Variants in SNTG2 observed in about 807,000 individuals in gnomAD.
The protein encoded by SNTG2 is gamma-2-syntrophin.
SNTG2 carries 74 observed loss-of-function variants against 70.9 expected under a neutral mutation model. The observed-to-expected ratio is 1.04, with a 90% CI of 0.86 to 1.27. The LOEUF is 1.27. Ranked by LOEUF, SNTG2 falls within the 50% of genes most tolerant of loss-of-function variation. The probability of loss-of-function intolerance (pLI) is 0.00; values close to 1 mark genes in which losing one functional copy is unlikely to be tolerated. For synonymous variants in SNTG2, 278 were observed against 273.8 expected (o/e 1.02, Z -0.15); for missense variants, 717 against 690.7 (o/e 1.04, Z -0.43).
chr2:1,181,080 G>C (rs914124712), intron 8 of SNTG2, among the ~76,000 whole-genome samples: 10 of 152,134 alleles, frequency 6.6e-5, no homozygotes, highest in Non-Finnish European at 1.5e-4. Flanking sequence ...GGTGGGGGAA[G>C]GGGAGAGGGA....
chr2:1,039,587 G>T (rs1332841038), intron 1 of SNTG2, among the ~76,000 whole-genome samples: 2 of 152,158 alleles, frequency 1.3e-5, no homozygotes, highest in Admixed American at 6.5e-5. Flanking sequence ...ATCAATCTTG[G>T]GGGGATGGCA....
intron 16 of SNTG2, among the ~76,000 whole-genome samples, chr2:1,331,940 G>A (rs1479970625): frequency 1.3e-5 from 2 of 152,130 alleles, no homozygotes; most frequent in African/African-American, 4.8e-5. Context: ...CCAGCCTGGT[G>A]CCTGCTTGGC....
chr2:1,096,763 A>G (rs1043954282), intron 2 of SNTG2, among the ~76,000 whole-genome samples: 2 of 152,182 alleles, frequency 1.3e-5, no homozygotes, highest in African/African-American at 4.8e-5. Flanking sequence ...GGCTGTTGTC[A>G]GTAATGCTTT....
intron 8 of SNTG2, among the ~76,000 whole-genome samples, chr2:1,208,135 C>G (rs576549239): frequency 3.3e-5 from 5 of 152,196 alleles, no homozygotes; most frequent in Non-Finnish European, 1.5e-5. Context: ...GAGCCCGGAG[C>G]TCAGGGCTGG....
rs182405963 is a variant in SNTG2 at position 1,244,564 on chromosome 2, C to A, written c.889-2763C>A. On this transcript the variant is annotated intron_variant, in intron 11 of 16. Transcript: ENST00000308624. ...ACAAAAAATTAGCAGGGCGTGGTGG[C>A]GGGCGCCTCTGGTCCCAGCTACTCG... Among the ~76,000 whole-genome samples the A allele has an allele frequency of 2.2e-3, 327 of 151,938 alleles. 5 individuals carry two copies. The highest frequency in any genetic ancestry group is 7.2e-3 in the African/African-American group (298 of 41,426).
chr2:1,209,768 T>C (rs1464885875), intron 9 of SNTG2, among the ~76,000 whole-genome samples: 1 of 152,252 alleles, frequency 6.6e-6, no homozygotes, highest in Non-Finnish European at 1.5e-5. Flanking sequence ...TATGCTTGGC[T>C]AATTGTGCTA....
intron 16 of SNTG2, among the ~76,000 whole-genome samples, chr2:1,323,700 C>T (rs1369781585): frequency 6.7e-6 from 1 of 150,218 alleles, no homozygotes; most frequent in Non-Finnish European, 1.5e-5. Context: ...TAGGCTGGAA[C>T]ATGGCTAACA....
chr2:1,173,255 G>C (rs1288797155), intron 8 of SNTG2, 72 bp downstream of exon 8: 8 of 1,326,856 alleles, frequency 6.0e-6, no homozygotes, highest in Non-Finnish European at 8.6e-6. Flanking sequence ...TCTCTAGACA[G>C]AATTAAAAAG....
At chr2:993,941 A>G (rs1000539666) in intron 1 of SNTG2, among the ~76,000 whole-genome samples, 72 of 152,078 alleles carry the variant, frequency 4.7e-4, no homozygotes, top group Non-Finnish European at 6.6e-4. Context: ...CATTTTGTGG[A>G]TTACCTTTTC....
At chr2:1,081,485 A>G (rs921997125) in intron 1 of SNTG2, among the ~76,000 whole-genome samples, 1 of 152,162 alleles carries the variant, frequency 6.6e-6, no homozygotes, top group Non-Finnish European at 1.5e-5. Context: ...GCCCTTAGGG[A>G]TATGTCTACA....
intron 11 of SNTG2, among the ~76,000 whole-genome samples, chr2:1,243,956 G>A (rs111940874): frequency 1.1e-4 from 16 of 152,254 alleles, no homozygotes; most frequent in African/African-American, 3.9e-4. Context: ...AACCCTGGAG[G>A]CGGAGGTTGC....
chr2:978,195 T>C (rs979280182), intron 1 of SNTG2, among the ~76,000 whole-genome samples: 23 of 152,126 alleles, frequency 1.5e-4, no homozygotes, highest in African/African-American at 5.6e-4. Flanking sequence ...CTTGCTGAGC[T>C]GGGAGATGCA....
intron 14 of SNTG2, among the ~76,000 whole-genome samples, chr2:1,277,752 T>C (rs1286486173): frequency 1.3e-5 from 2 of 152,170 alleles, no homozygotes; most frequent in East Asian, 3.9e-4. Flanking sequence ...GCTGGTGACA[T>C]GCAAGCTGGG....
chr2:992,258 A>T (rs1022451722), intron 1 of SNTG2, among the ~76,000 whole-genome samples: 2 of 151,830 alleles, frequency 1.3e-5, no homozygotes, highest in African/African-American at 4.8e-5. Flanking sequence ...AGTTAGTGAT[A>T]TGGAGAAAAT....
At chr2:1,024,167 G>A (rs1225457671) in intron 1 of SNTG2, among the ~76,000 whole-genome samples, 3 of 152,110 alleles carry the variant, frequency 2.0e-5, no homozygotes, top group African/African-American at 4.8e-5. Flanking sequence ...GATTCAATCC[G>A]TGGGCCACAG....
intron 9 of SNTG2, among the ~76,000 whole-genome samples, chr2:1,221,911 C>T (rs1675012829): frequency 6.6e-5 from 2 of 30,524 alleles, no homozygotes; most frequent in African/African-American, 1.8e-4. Context: ...CTGTCTCTGT[C>T]TCTGTCTCTC....
intron 16 of SNTG2, among the ~76,000 whole-genome samples, chr2:1,342,068 C>T (rs1660130144): frequency 6.6e-6 from 1 of 152,150 alleles, no homozygotes; most frequent in Non-Finnish European, 1.5e-5. Flanking sequence ...GTAATTCAGA[C>T]TCTGGAAAAG....
chr2:1,162,954 C>T (rs1670426875), intron 6 of SNTG2, among the ~76,000 whole-genome samples: 1 of 152,184 alleles, frequency 6.6e-6, no homozygotes, highest in African/African-American at 2.4e-5. Context: ...TACTGAACAG[C>T]AGGGGAGGAA....
At chr2:982,109 TA>T (rs1469438684) in intron 1 of SNTG2, among the ~76,000 whole-genome samples, 6 of 152,386 alleles carry the variant, frequency 3.9e-5, no homozygotes, top group African/African-American at 1.2e-4. Flanking sequence ...TAATCTCTTT[TA>T]ACAGCTGTCT....
Sources: allele counts gnomAD v4.1 joint callset (sites outside exome capture counted in the v4.1 genomes callset), GRCh38; gene constraint gnomAD v4.1.1; transcripts MANE v1.5; gene names NCBI Gene and HGNC (gene_info 2026-07-23, HGNC 2026-07-21).